The following ATP8A2 variants were observed in gnomAD, a reference collection of about 807,000 sequenced individuals.
ATP8A2 encodes the protein phospholipid-transporting ATPase IB.
In ATP8A2, 100 loss-of-function variants were observed where a neutral mutation model predicts 165.6. The ratio of observed to expected loss-of-function variants is 0.60; its 90% CI spans 0.51 to 0.71. ATP8A2 has a LOEUF of 0.71. ATP8A2 is among the 30% of genes least tolerant of loss of function. The pLI is 0.00. For missense variants in ATP8A2, 1,227 were observed against 1,479.5 expected (o/e 0.83, Z 2.80); for synonymous variants, 543 against 548.8 (o/e 0.99, Z 0.15).
At chr13:25,952,174 C>T (rs7997094) in intron 33 of ATP8A2, among the ~76,000 whole-genome samples, 15,970 of 152,098 alleles carry the variant, frequency 0.1, 2,117 homozygotes, top group African/African-American at 0.31. Flanking sequence ...TGTCCCAATA[C>T]GTTGAACTGA....
chr13:25,995,234 C>A lies in ATP8A2; in HGVS notation c.3378-17297C>A, dbSNP rs184650225. ...CTTTTTTTTTTCTTTGTAAGTATTG[C>A]TAGAAGTTTGTTAATTTTATTGTTC... On this transcript the variant is annotated intron_variant, in intron 35 of 36. Coordinates refer to ENST00000381655, the MANE Select transcript of ATP8A2 (RefSeq NM_016529.6). 3.8e-3 allele frequency among the ~76,000 whole-genome samples: 571 copies of A among 150,794 alleles called. 4 individuals carry two copies. Among genetic ancestry groups the A allele is most frequent in the African/African-American group, 0.012 (503 of 41,182 alleles).
At position 25,807,025 on chromosome 13, in the gene ATP8A2, G is replaced by A. The variant is rs145764909; in HGVS notation, c.2680-21093G>A. On this transcript the variant is annotated intron_variant, in intron 27 of 36. Transcript: ENST00000381655. The stretch of plus-strand genomic sequence containing the variant: ...TCTTTGCCCATTTTTGGATTGGGTT[G>A]TCTTTTTATTGTTGGACTATAAGTG... 3.0e-4 allele frequency among the ~76,000 whole-genome samples: 46 copies of A among 152,132 alleles called. No homozygotes were observed. In the East Asian group the frequency reaches 6.6e-3, roughly 22 times the overall value.
intron 33 of ATP8A2, chr13:25,863,213 C>A (rs1952406034): frequency 6.6e-6 from 1 of 152,500 alleles, no homozygotes; most frequent in African/African-American, 2.4e-5. Flanking sequence ...AGGACCTCTG[C>A]TCTGGCCTTC....
At chr13:25,861,661 A>G (rs931075713) in intron 32 of ATP8A2, among the ~76,000 whole-genome samples, 2 of 152,218 alleles carry the variant, frequency 1.3e-5, no homozygotes, top group African/African-American at 2.4e-5. Flanking sequence ...AGGAGGAGGT[A>G]GTGAGAAGTG....
At chr13:25,966,991 G>A (rs970636394) in intron 34 of ATP8A2, among the ~76,000 whole-genome samples, 1 of 152,154 alleles carries the variant, frequency 6.6e-6, no homozygotes, top group African/African-American at 2.4e-5. Context: ...GAGTAGCCAG[G>A]CTGTTCTAGG....
At chr13:25,447,990 T>C (rs1003752099) in intron 1 of ATP8A2, among the ~76,000 whole-genome samples, 1 of 152,218 alleles carries the variant, frequency 6.6e-6, no homozygotes, top group Non-Finnish European at 1.5e-5. Context: ...TCTGCCATGC[T>C]GTTTTGTTCC....
At chr13:25,897,996 C>T (rs533138880) in intron 33 of ATP8A2, among the ~76,000 whole-genome samples, 30 of 152,272 alleles carry the variant, frequency 2.0e-4, no homozygotes, top group African/African-American at 5.1e-4. Context: ...TCCTTTAGCT[C>T]GGAGAAGTTT....
intron 33 of ATP8A2, among the ~76,000 whole-genome samples, chr13:25,923,735 A>T (rs767318961): frequency 5.9e-5 from 9 of 152,152 alleles, no homozygotes; most frequent in Non-Finnish European, 1.2e-4. Context: ...ATTCTCATAA[A>T]AGATGCTACC....
chr13:25,771,183 T>A (rs995145613), intron 26 of ATP8A2, among the ~76,000 whole-genome samples: 1 of 152,224 alleles, frequency 6.6e-6, no homozygotes, highest in African/African-American at 2.4e-5. Flanking sequence ...ACTTTATAGG[T>A]GGGAAAACCG....
At chr13:25,701,720 T>C (rs2042954547) in intron 25 of ATP8A2, among the ~76,000 whole-genome samples, 1 of 108,098 alleles carries the variant, frequency 9.3e-6, no homozygotes, top group Admixed American at 1.0e-4. Context: ...TGCTTGATAC[T>C]AAAACACACA....
At chr13:25,599,185 G>C (rs2040316234) in intron 24 of ATP8A2, among the ~76,000 whole-genome samples, 1 of 152,128 alleles carries the variant, frequency 6.6e-6, no homozygotes, top group Admixed American at 6.5e-5. Flanking sequence ...AGAGCCAAGG[G>C]GACCCTTACA....
At chr13:25,765,647 G>C (rs565317409) in intron 25 of ATP8A2, among the ~76,000 whole-genome samples, 12 of 152,206 alleles carry the variant, frequency 7.9e-5, no homozygotes, top group Admixed American at 2.6e-4. Flanking sequence ...ATATACCCTG[G>C]TCAGGTTTTC....
At chr13:25,864,179 A>G (rs1234478871) in intron 33 of ATP8A2, among the ~76,000 whole-genome samples, 5 of 152,110 alleles carry the variant, frequency 3.3e-5, no homozygotes, top group African/African-American at 1.2e-4. Context: ...TTTTGTGGTG[A>G]TGGACAATAG....
chr13:25,698,374 G>A (rs961652094), intron 24 of ATP8A2, among the ~76,000 whole-genome samples: 1 of 152,014 alleles, frequency 6.6e-6, no homozygotes, highest in Non-Finnish European at 1.5e-5. Context: ...ACATGCAGCA[G>A]ACACACACCA....
intron 34 of ATP8A2, among the ~76,000 whole-genome samples, chr13:25,967,530 G>A (rs1240062646): frequency 2.6e-5 from 4 of 152,114 alleles, no homozygotes; most frequent in Non-Finnish European, 4.4e-5. Flanking sequence ...TCATTTCTGG[G>A]CAAAGGTGCT....
intron 1 of ATP8A2, among the ~76,000 whole-genome samples, chr13:25,389,212 G>A (rs1283505025): frequency 6.6e-6 from 1 of 152,204 alleles, no homozygotes; most frequent in African/African-American, 2.4e-5. Flanking sequence ...CATTTTAGAT[G>A]TAAGGAGAAT....
At chr13:25,742,181 G>A (rs2043929136) in intron 25 of ATP8A2, among the ~76,000 whole-genome samples, 1 of 152,036 alleles carries the variant, frequency 6.6e-6, no homozygotes, top group African/African-American at 2.4e-5. Context: ...GAATACTGTA[G>A]GTGATTGCAA....
intron 33 of ATP8A2, among the ~76,000 whole-genome samples, chr13:25,894,632 G>A (rs1953477416): frequency 6.6e-6 from 1 of 152,136 alleles, no homozygotes; most frequent in Non-Finnish European, 1.5e-5. Flanking sequence ...GGGCAGTGCG[G>A]CCATTTTCAT....
intron 1 of ATP8A2, among the ~76,000 whole-genome samples, chr13:25,381,591 C>T (rs144968799): frequency 6.6e-6 from 1 of 152,284 alleles, no homozygotes; most frequent in East Asian, 1.9e-4. Flanking sequence ...ATAATAAACA[C>T]AGTGATGGCA....
Sources: gnomAD v4.1 joint callset for allele counts (sites outside exome capture counted in the v4.1 genomes callset) on GRCh38, gnomAD v4.1.1 for gene constraint, MANE v1.5 for transcripts, NCBI Gene and HGNC (gene_info 2026-07-23, HGNC 2026-07-21) for gene names.